The following PRR14L variants were observed in gnomAD, a reference collection of about 807,000 sequenced individuals.
PRR14L encodes the protein proline rich 14 like.
In PRR14L, 80 loss-of-function variants were observed where a neutral mutation model predicts 155.0. That is an observed-to-expected ratio of 0.52 (90% CI 0.43 to 0.62). PRR14L has a LOEUF of 0.62. Ranked by LOEUF, PRR14L falls within the 20% of genes least tolerant of loss-of-function variation. PRR14L has a pLI of 0.00. For missense variants in PRR14L, 2,469 were observed against 2,548.0 expected (o/e 0.97, Z 0.67); for synonymous variants, 883 against 916.0 (o/e 0.96, Z 0.65).
At position 31,716,675 on chromosome 22, in the gene PRR14L, T is replaced by C. The variant is rs2074662093; in HGVS notation, c.1164A>G (p.Gln388=). The part of the protein sequence containing the change: ...DSSYFYRGDD[Q]GKNLASREEN... ...CTTCTCTAGAAGCCAAGTTCTTCCC[T>C]TGATCATCCCCCCTATAAAAATAAG... The change falls in exon 4 of 9, where the codon CAA becomes CAG. Residue 388 remains glutamine, a synonymous_variant. Transcript: ENST00000327423. 2 of 1,552,030 alleles carry C rather than the reference T, an allele frequency of 1.3e-6. No homozygotes were observed. The highest frequency in any genetic ancestry group is 4.9e-5 in the East Asian group (2 of 40,928).
At position 31,713,886 on chromosome 22, in the gene PRR14L, G is replaced by A; in HGVS notation, c.3953C>T (p.Ser1318Phe). 6.4e-7 allele frequency: 1 copy of A among 1,552,008 alleles called. No individual in the cohort carries two copies. Among genetic ancestry groups the A allele is most frequent in the Non-Finnish European group, 8.7e-7 (1 of 1,147,046 alleles). The stretch of plus-strand genomic sequence containing the variant: ...TGTCAAAGGCAAATGTCTGTCAGAG[G>A]AATTCTCGTGAGGGTGACAAGCTTT... ...ACKACHPHEN[S>F]SDRHLPLTVK... Residue 1318 changes from serine (S) to phenylalanine (F), a missense_variant, in exon 4 of 9, where the codon TCC becomes TTC. Ser to Phe is a radical substitution (Grantham distance 155, BLOSUM62 -2). Around this residue, in one of 2 missense-constraint regions of PRR14L, gnomAD observed 2,363 missense variants for 2,371.6 expected, o/e 1.00. Transcript: ENST00000327423.
rs1228793553 is a variant in PRR14L at position 31,715,923 on chromosome 22, T to C, written c.1916A>G (p.Asn639Ser). 6 of 1,551,740 alleles carry C rather than the reference T, an allele frequency of 3.9e-6. No individual in the cohort carries two copies. The Admixed American group carries it at 7.8e-5, about 20-fold the overall frequency. ...ACEMNELSCT[N>S]ELVVNKVESE... The stretch of plus-strand genomic sequence containing the variant: ...TTCTACTTTGTTTACAACCAGTTCA[T>C]TGGTACAAGAAAGTTCATTCATCTC... Residue 639 changes from asparagine (N) to serine (S), a missense_variant, in exon 4 of 9, where the codon AAT becomes AGT. Asn to Ser is a conservative substitution (Grantham distance 46). This residue lies in a region of PRR14L where 2,363 missense variants were observed against 2,371.6 expected (regional missense o/e 1.00). Transcript: ENST00000327423.
At chr22:31,737,126 C>T (rs1290876222) in intron 2 of PRR14L, among the ~76,000 whole-genome samples, 1 of 151,790 alleles carries the variant, frequency 6.6e-6, no homozygotes, top group African/African-American at 2.4e-5. Flanking sequence ...ATTTGCTGAC[C>T]CCTGGGTTAG....
Position 31,714,236 on chromosome 22 carries a change from T to C in PRR14L, c.3603A>G (p.Arg1201=). 1.3e-6 allele frequency: 2 copies of C among 1,551,584 alleles called. No homozygotes were observed. Among genetic ancestry groups the C allele is most frequent in the Non-Finnish European group, 1.7e-6 (2 of 1,146,966 alleles). ...RETQEMTEGS[R]LEPNSEFGKE... ...TGCCAAACTCAGAGTTTGGTTCTAG[T>C]CTTGATCCTTCAGTCATTTCTTGTG... is the stretch of plus-strand genomic sequence containing the variant. Residue 1201 remains arginine, a synonymous_variant, in exon 4 of 9, where the codon AGA becomes AGG. Coordinates refer to ENST00000327423, the MANE Select transcript of PRR14L (RefSeq NM_173566.3).
At chr22:31,695,604 C>G (rs2074531774) in intron 7 of PRR14L, among the ~76,000 whole-genome samples, 1 of 152,192 alleles carries the variant, frequency 6.6e-6, no homozygotes, top group African/African-American at 2.4e-5. Context: ...TCCTGTCACT[C>G]TCCTGAAGCA....
chr22:31,712,612 C>T lies in PRR14L; in HGVS notation c.5227G>A (p.Ala1743Thr), dbSNP rs771732560. 18 of 1,551,696 alleles carry T rather than the reference C, an allele frequency of 1.2e-5. No homozygotes were observed. In the South Asian group the frequency reaches 1.7e-4, roughly 14 times the overall value. The part of the protein sequence containing the change: ...ESSRTFPEHC[A>T]PARLALGEAL... ...TCTCCTAAGGCAAGCCTTGCCGGAGCACAGTGCTCAGGAAAAGTCCTTGAG... is the reference window on the plus strand; with the variant it reads ...TCTCCTAAGGCAAGCCTTGCCGGAGTACAGTGCTCAGGAAAAGTCCTTGAG... Residue 1743 changes from alanine to threonine, a missense_variant, in exon 4 of 9, where the codon GCT (alanine) becomes ACT (threonine). Ala to Thr is a moderately conservative substitution (Grantham distance 58). Coordinates refer to ENST00000327423, the MANE Select transcript of PRR14L (RefSeq NM_173566.3).
chr22:31,699,097 C>T (rs553336433), intron 7 of PRR14L, among the ~76,000 whole-genome samples: 17 of 151,886 alleles, frequency 1.1e-4, no homozygotes, highest in Admixed American at 2.0e-4. Flanking sequence ...AGTGCAGTGC[C>T]GCGACCTCGG....
rs1601506419 is a variant in PRR14L at position 31,717,318 on chromosome 22, A to G, written c.548-27T>C. ...TGAATAAGAGAAATAAATCCAAATT[A>G]ATATGCAGTAATAAAAAATCACTTG... On this transcript the variant is annotated intron_variant, in intron 3 of 8. Transcript: ENST00000327423. 8 of 1,481,476 alleles carry G rather than the reference A, an allele frequency of 5.4e-6. No homozygotes were observed. In the Middle Eastern group the frequency reaches 5.2e-4, roughly 97 times the overall value. The allele number at this position is 1,481,476 out of a possible 1,614,324, so 91.8% of individuals were successfully genotyped here.
chr22:31,725,028 C>T (rs1049720078), intron 3 of PRR14L, among the ~76,000 whole-genome samples: 4 of 152,134 alleles, frequency 2.6e-5, no homozygotes, highest in Non-Finnish European at 5.9e-5. Context: ...TCCCCTGTTC[C>T]AGTTAACCCT....
Position 31,685,276 on chromosome 22 carries a change from T to G in PRR14L, c.*251A>C, listed in dbSNP as rs1303251009. The G allele has an allele frequency of 2.5e-6, 1 of 406,644 alleles. No individual in the cohort carries two copies. Among genetic ancestry groups the G allele is most frequent in the African/African-American group, 2.0e-5 (1 of 49,650 alleles). The allele number at this position is 406,644 out of a possible 1,614,324, so 25.2% of individuals were successfully genotyped here. On this transcript the variant is annotated 3_prime_UTR_variant, in exon 9 of 9. Coordinates refer to ENST00000327423, the MANE Select transcript of PRR14L (RefSeq NM_173566.3). ...GTGGCTGGATGTCGTTCAGGTCCAT[T>G]TCCAGGAGAAAGGGAGCATTCCTGA...
chr22:31,738,706 G>C lies in PRR14L; in HGVS notation c.155C>G (p.Ala52Gly), dbSNP rs886104414. 6.4e-7 allele frequency: 1 copy of C among 1,551,740 alleles called. No individual in the cohort carries two copies. The highest frequency in any genetic ancestry group is 1.4e-5 in the African/African-American group (1 of 73,040). The change falls in exon 2 of 9, where the codon GCC becomes GGC. Residue 52 changes from alanine to glycine, a missense_variant. This residue lies in a region of PRR14L where 2,363 missense variants were observed against 2,371.6 expected (regional missense o/e 1.00). Coordinates refer to ENST00000327423, the MANE Select transcript of PRR14L (RefSeq NM_173566.3). ...PSVIPDVKPG[A>G]SSSLLSQNRA... ...ATTCTGACTTAAAAGAGAGCTTGAG[G>C]CTCCAGGTTTTACATCTGGAATCAC...
At chr22:31,710,641 A>G (rs1192993383) in intron 4 of PRR14L, among the ~76,000 whole-genome samples, 1 of 151,806 alleles carries the variant, frequency 6.6e-6, no homozygotes, top group East Asian at 1.9e-4. Flanking sequence ...TTTTTAGTAG[A>G]AACGGGGTTT....
chr22:31,688,085 G>T, intron 8 of PRR14L, 71 bp downstream of exon 8: 1 of 1,335,246 alleles, frequency 7.5e-7, no homozygotes. Context: ...TCTTTCTAAA[G>T]TGAAAGGGCT....
At chr22:31,691,218 C>G (rs1034435315) in intron 7 of PRR14L, among the ~76,000 whole-genome samples, 1 of 151,332 alleles carries the variant, frequency 6.6e-6, no homozygotes, top group Admixed American at 6.6e-5. Flanking sequence ...CTGCCCACCT[C>G]GGCCTCCCAT....
At chr22:31,697,883 T>C (rs928294520) in intron 7 of PRR14L, among the ~76,000 whole-genome samples, 10 of 123,598 alleles carry the variant, frequency 8.1e-5, no homozygotes, top group African/African-American at 3.5e-5. Context: ...AAACTGTAAC[T>C]ATATATATAT....
At position 31,713,602 on chromosome 22, in the gene PRR14L, T is replaced by C. The variant is rs1009215564; in HGVS notation, c.4237A>G (p.Thr1413Ala). The change falls in exon 4 of 9, where the codon ACG (threonine) becomes GCG (alanine). Residue 1413 changes from threonine (T) to alanine (A), a missense_variant. Around this residue, in one of 2 missense-constraint regions of PRR14L, gnomAD observed 2,363 missense variants for 2,371.6 expected, o/e 1.00. Coordinates refer to ENST00000327423, the MANE Select transcript of PRR14L (RefSeq NM_173566.3). ...EKYIRQQKAH[T>A]ISQQCISSSL... ...GATGATATGCACTGTTGCGATATCGTATGTGCTTTTTGTTGACGTATATAT... is the reference window on the plus strand; with the variant it reads ...GATGATATGCACTGTTGCGATATCGCATGTGCTTTTTGTTGACGTATATAT... The C allele has an allele frequency of 7.1e-6, 11 of 1,551,904 alleles. No homozygotes were observed. The African/African-American group carries it at 1.4e-4, about 19-fold the overall frequency.
At chr22:31,733,650 G>A (rs2074763578) in intron 2 of PRR14L, among the ~76,000 whole-genome samples, 1 of 152,036 alleles carries the variant, frequency 6.6e-6, no homozygotes. Context: ...GGCACCAATA[G>A]TTTTGTTAAA....
chr22:31,729,383 T>G (rs532301160), intron 2 of PRR14L, among the ~76,000 whole-genome samples: 6 of 151,918 alleles, frequency 3.9e-5, no homozygotes, highest in Non-Finnish European at 8.8e-5. Flanking sequence ...GGCTAATTTT[T>G]TGTGTGTGTA....
rs1266478789 is a variant in PRR14L, at chr22:31,714,778, T to G, written c.3061A>C (p.Ser1021Arg). The G allele has an allele frequency of 1.3e-6, 2 of 1,552,242 alleles. No individual in the cohort carries two copies. Among genetic ancestry groups the G allele is most frequent in the African/African-American group, 2.7e-5 (2 of 73,064 alleles). The change falls in exon 4 of 9, where the codon AGT (serine) becomes CGT (arginine). Residue 1021 changes from serine to arginine, a missense_variant. By Grantham distance (110) the Ser-to-Arg change is moderately radical. Transcript: ENST00000327423. ...NQKDLLVSSG[S>R]NNSLPCGSPK... is the part of the protein sequence containing the mutation. ...CTACCACAAGGTAGTGAGTTATTACTGCCTGAGCTGACCAGCAGATCCTTT... is the reference window on the plus strand; with the variant it reads ...CTACCACAAGGTAGTGAGTTATTACGGCCTGAGCTGACCAGCAGATCCTTT...
Sources: allele counts gnomAD v4.1 joint callset (sites outside exome capture counted in the v4.1 genomes callset), GRCh38; gene constraint gnomAD v4.1.1; regional missense constraint gnomAD v4.1.1; transcripts MANE v1.5; gene names NCBI Gene and HGNC (gene_info 2026-07-23, HGNC 2026-07-21).